The following TTLL5 variants were observed in gnomAD, a reference collection of about 807,000 sequenced individuals.
TTLL5 encodes the protein tubulin tyrosine ligase like 5, also known as tubulin polyglutamylase TTLL5.
A neutral mutation model predicts 168.4 loss-of-function variants in TTLL5; 132 were observed. That is an observed-to-expected ratio of 0.78 (90% CI 0.68 to 0.91). The LOEUF (loss-of-function observed/expected upper bound fraction) is 0.91, where lower values mean the gene tolerates loss of function less well. TTLL5 is among the 40% of genes least tolerant of loss of function. The pLI is 0.00. For synonymous variants in TTLL5, 546 were observed against 558.6 expected, an observed-to-expected ratio of 0.98 and a Z score of 0.32; for missense variants, 1,545 against 1,581.5, an observed-to-expected ratio of 0.98 and a Z score of 0.39.
intron 9 of TTLL5, among the ~76,000 whole-genome samples, chr14:75,716,459 TAGTG>T (rs1319013695): frequency 1.3e-5 from 2 of 152,186 alleles, no homozygotes; most frequent in African/African-American, 4.8e-5. Flanking sequence ...GGAGTGGAGA[TAGTG>T]GGTGGATGAG....
chr14:75,704,983 G>A (rs1195800152), intron 7 of TTLL5, among the ~76,000 whole-genome samples: 1 of 152,252 alleles, frequency 6.6e-6, no homozygotes, highest in Non-Finnish European at 1.5e-5. Flanking sequence ...AGTTGGGTGA[G>A]TAGATATTTA....
At chr14:75,839,734 G>A (rs1896115046) in intron 28 of TTLL5, among the ~76,000 whole-genome samples, 1 of 152,164 alleles carries the variant, frequency 6.6e-6, no homozygotes, top group South Asian at 2.1e-4. Flanking sequence ...GATGAGATTT[G>A]GGGAGGGGCA....
At chr14:75,941,082 G>A (rs2034587597) in intron 31 of TTLL5, among the ~76,000 whole-genome samples, 2 of 152,206 alleles carry the variant, frequency 1.3e-5, no homozygotes, top group African/African-American at 4.8e-5. Context: ...TTACTCATGA[G>A]AAATTAAAAA....
In TTLL5 at chr14:75,903,900, T is replaced by A. The variant is rs1304066746; in HGVS notation, c.3823+1676T>A. ...ACAGGGCAAGACCCTACCTCTAATT[T>A]AAAAAAAAAAAAAAAAGCCAGTTAC... is the stretch of plus-strand genomic sequence containing the variant. On this transcript the variant is annotated intron_variant, in intron 31 of 31. Coordinates refer to ENST00000298832, the MANE Select transcript of TTLL5 (RefSeq NM_015072.5). Among the ~76,000 whole-genome samples the A allele has an allele frequency of 1.5e-3, 195 of 130,842 alleles. No individual in the cohort carries two copies. In the Middle Eastern group the frequency reaches 0.029, roughly 20 times the overall value. 85.8% of individuals were successfully genotyped at this position (130,842 alleles called of 152,430 possible). A position where few individuals can be genotyped will look rare whatever the true frequency, so the allele number is the denominator to read the frequency against.
intron 31 of TTLL5, among the ~76,000 whole-genome samples, chr14:75,936,145 G>GTT (rs34131661): frequency 6.7e-6 from 1 of 148,848 alleles, no homozygotes; most frequent in South Asian, 2.1e-4. Flanking sequence ...TTTTTACATA[G>GTT]TTTTTTTTTT....
intron 28 of TTLL5, among the ~76,000 whole-genome samples, chr14:75,842,229 A>T (rs1896298554): frequency 6.6e-6 from 1 of 152,186 alleles, no homozygotes; most frequent in African/African-American, 2.4e-5. Context: ...GTACAGAAAC[A>T]TGCCCTTTTT....
chr14:75,748,009 A>G (rs1341205161), intron 17 of TTLL5, among the ~76,000 whole-genome samples: 1 of 152,200 alleles, frequency 6.6e-6, no homozygotes, highest in Non-Finnish European at 1.5e-5. Flanking sequence ...TTTCAGAGAC[A>G]GTTGGGCTCT....
chr14:75,724,856 T>C (rs76528688), intron 12 of TTLL5, among the ~76,000 whole-genome samples: 2,789 of 152,290 alleles, frequency 0.018, 89 homozygotes, highest in African/African-American at 0.061. Context: ...CTTAGGAAAT[T>C]GGCATTGTGA....
chr14:75,734,664 A>G (rs1009542932), intron 14 of TTLL5, among the ~76,000 whole-genome samples: 5 of 152,222 alleles, frequency 3.3e-5, no homozygotes, highest in African/African-American at 1.2e-4. Flanking sequence ...GCTTCTTTTT[A>G]GGAAGTAAGT....
intron 8 of TTLL5, 121 bp downstream of exon 8, chr14:75,707,208 C>T (rs950351706): frequency 1.3e-6 from 1 of 757,412 alleles, no homozygotes; most frequent in African/African-American, 1.8e-5. Context: ...ACATGTGTGG[C>T]TCCAGAAAGG....
chr14:75,888,415 A>G (rs986279142), intron 30 of TTLL5, among the ~76,000 whole-genome samples: 3 of 152,176 alleles, frequency 2.0e-5, no homozygotes, highest in African/African-American at 7.2e-5. Context: ...TAACTGCTGG[A>G]TATTTCCCAT....
rs150120928 is a variant in TTLL5 at position 75,766,322 on chromosome 14, C to T, written c.1969C>T (p.Pro657Ser). The part of the protein sequence containing the change: ...CCKLETQELE[P>S]KFNLMQILQD... ...CAAACTTGAGACTCAGGAGCTAGAG[C>T]CTAAATTTAACCTGATGCAGATTCT... The change falls in exon 20 of 32, where the codon CCT becomes TCT. Residue 657 changes from proline to serine, a missense_variant. By Grantham distance (74) the Pro-to-Ser change is moderately conservative. Transcript: ENST00000298832. The T allele has an allele frequency of 5.3e-5, 85 of 1,613,700 alleles. 1 individual carries two copies. The African/African-American group carries it at 1.0e-3, about 19-fold the overall frequency.
chr14:75,814,228 T>A (rs2140399916), intron 27 of TTLL5, among the ~76,000 whole-genome samples: 1 of 152,362 alleles, frequency 6.6e-6, no homozygotes, highest in East Asian at 1.9e-4. Context: ...ACAAAAATGG[T>A]GAGCCAGTGA....
At position 75,806,741 on chromosome 14, in the gene TTLL5, T is replaced by TGG. The variant is rs1893680025; in HGVS notation, c.3172-13265_3172-13264insGG. 1.3e-5 allele frequency among the ~76,000 whole-genome samples: 2 copies of TGG among 152,224 alleles called. 1 individual carries two copies. Among genetic ancestry groups the TGG allele is most frequent in the South Asian group, 4.1e-4 (2 of 4,832 alleles). On this transcript the variant is annotated intron_variant, in intron 27 of 31. Coordinates refer to ENST00000298832, the MANE Select transcript of TTLL5 (RefSeq NM_015072.5). ...CAGTGTCCTTTGCTGCCTCAGCACC[T>TGG]GACTCATTGGTAGTACTCAAAAAAT...
intron 3 of TTLL5, among the ~76,000 whole-genome samples, chr14:75,671,372 A>T (rs541111655): frequency 6.6e-6 from 1 of 152,214 alleles, no homozygotes; most frequent in Non-Finnish European, 1.5e-5. Flanking sequence ...ATCTCTGGCC[A>T]TTCAGGGTCC....
intron 3 of TTLL5, among the ~76,000 whole-genome samples, chr14:75,671,295 T>A (rs1282580623): frequency 6.6e-6 from 1 of 152,236 alleles, no homozygotes; most frequent in Non-Finnish European, 1.5e-5. Flanking sequence ...TACTCTTGAT[T>A]ACCGTACCTT....
intron 18 of TTLL5, 75 bp downstream of exon 18, chr14:75,753,030 A>C: frequency 7.1e-7 from 1 of 1,418,278 alleles, no homozygotes; most frequent in Middle Eastern, 1.8e-4. Flanking sequence ...AGAAGGAAAC[A>C]GACCTTATAA....
chr14:75,887,089 G>T, intron 30 of TTLL5: 1 of 1,157,070 alleles, frequency 8.6e-7, no homozygotes, highest in Non-Finnish European at 1.1e-6. Flanking sequence ...GTGGAAGTTG[G>T]TGGTAACGAC....
chr14:75,902,643 C>T (rs1293001049), intron 31 of TTLL5: 12 of 457,554 alleles, frequency 2.6e-5, no homozygotes, highest in East Asian at 6.9e-5. Flanking sequence ...GAAGTTTATG[C>T]GTGGATGCAG....
Sources: gnomAD v4.1 joint callset for allele counts (sites outside exome capture counted in the v4.1 genomes callset) on GRCh38, gnomAD v4.1.1 for gene constraint, MANE v1.5 for transcripts, NCBI Gene and HGNC (gene_info 2026-07-23, HGNC 2026-07-21) for gene names.